Variants in WDCP observed in about 807,000 individuals in gnomAD.
WDCP encodes WD repeat and coiled coil containing, also known as WD repeat and coiled-coil-containing protein.
In WDCP, 19 loss-of-function variants were observed where a neutral mutation model predicts 41.6. The ratio of observed to expected loss-of-function variants is 0.46; its 90% CI spans 0.32 to 0.67. WDCP has a LOEUF of 0.67. Ranked by LOEUF, WDCP falls within the 30% of genes least tolerant of loss-of-function variation. WDCP has a pLI of 0.04. For missense variants in WDCP, 802 were observed against 850.7 expected (o/e 0.94, Z 0.71); for synonymous variants, 302 against 320.8 (o/e 0.94, Z 0.63).
At chr2:24,042,638 G>A (rs1470050734) in intron 1 of WDCP, among the ~76,000 whole-genome samples, 1 of 151,622 alleles carries the variant, frequency 6.6e-6, no homozygotes. Flanking sequence ...GAACCCGGGA[G>A]GTGGAGGTTG....
chr2:24,029,967 A>G lies in WDCP; in HGVS notation c.*966T>C, dbSNP rs1479911886. On this transcript the variant is annotated 3_prime_UTR_variant, in exon 4 of 4. Coordinates refer to ENST00000295148, the MANE Select transcript of WDCP (RefSeq NM_025203.3). ...ATGGCACTTTTTAGGACTACCTCAG[A>G]TTCGGTTGAATTTCTAACTTCCTGA... 3.3e-5 allele frequency: 5 copies of G among 152,582 alleles called. No individual in the cohort carries two copies. The highest frequency in any genetic ancestry group is 7.4e-5 in the Non-Finnish European group (5 of 68,022). The allele number at this position is 152,582 out of a possible 1,614,324, so 9.5% of individuals were successfully genotyped here.
rs1033162627 is a variant in WDCP, at chr2:24,030,669, T to G, written c.*264A>C. ...TCCATATGGCACCATAATATTGTTT[T>G]GTTCTGAGAATTCTGCCCTTAGTCA... On this transcript the variant is annotated 3_prime_UTR_variant, in exon 4 of 4. Coordinates refer to ENST00000295148, the MANE Select transcript of WDCP (RefSeq NM_025203.3). 3 of 400,434 alleles carry G rather than the reference T, an allele frequency of 7.5e-6. No homozygotes were observed. The highest frequency in any genetic ancestry group is 4.0e-5 in the African/African-American group (2 of 50,000). 24.8% of individuals were successfully genotyped at this position (400,434 alleles called of 1,614,324 possible).
Position 24,037,865 on chromosome 2 carries a change from G to A in WDCP, c.1630C>T (p.Gln544Ter). 1 of 1,614,104 alleles carries A rather than the reference G, an allele frequency of 6.2e-7. No homozygotes were observed. The highest frequency in any genetic ancestry group is 8.5e-7 in the Non-Finnish European group (1 of 1,180,020). ...TTTTCACTTTGTAAGTTCTTTCTTT[G>A]AGGCAAACGAGGAGGCTCCAGTGTG... ...TSTLEPPRLP[Q>*]RKNLQSEKET... is the part of the protein sequence containing the mutation. The change falls in exon 2 of 4, where the codon CAA becomes TAA. Residue 544 changes from glutamine (Q) to a stop codon, truncating the protein, a stop_gained. Coordinates refer to ENST00000295148, the MANE Select transcript of WDCP (RefSeq NM_025203.3). LOFTEE classifies it high-confidence loss of function.
Position 24,039,084 on chromosome 2 carries a change from G to T in WDCP, c.411C>A (p.Ser137=). Residue 137 remains serine, a synonymous_variant, in exon 2 of 4, where the codon TCC becomes TCA. Transcript: ENST00000295148. ...ILTVLTAQDV[S]IFPNVHSDDS... is the part of the protein sequence containing the mutation. ...CATCAGAGTGAACATTAGGGAAAAT[G>T]GAGACATCCTGAGCAGTCAACACAG... 6.2e-7 allele frequency: 1 copy of T among 1,614,206 alleles called. No individual in the cohort carries two copies. The highest frequency in any genetic ancestry group is 8.5e-7 in the Non-Finnish European group (1 of 1,180,044).
intron 1 of WDCP, among the ~76,000 whole-genome samples, chr2:24,043,033 C>CAAA (rs138929912): frequency 2.2e-5 from 3 of 135,064 alleles, no homozygotes; most frequent in Non-Finnish European, 3.1e-5. Context: ...AACTCCGTCT[C>CAAA]AAAAAAAAAA....
intron 2 of WDCP, among the ~76,000 whole-genome samples, chr2:24,036,058 C>T (rs931508514): frequency 2.7e-4 from 30 of 113,032 alleles, no homozygotes; most frequent in East Asian, 9.4e-4. Context: ...ACAGAGACTC[C>T]GTCTCAAAAA....
chr2:24,031,636 C>T (rs1347934184), intron 3 of WDCP, among the ~76,000 whole-genome samples: 1 of 152,062 alleles, frequency 6.6e-6, no homozygotes, highest in Non-Finnish European at 1.5e-5. Context: ...ACCATCCTGG[C>T]TAACATGGTG....
chr2:24,035,768 T>G (rs960101150), intron 2 of WDCP, among the ~76,000 whole-genome samples: 3 of 151,398 alleles, frequency 2.0e-5, no homozygotes, highest in African/African-American at 7.3e-5. Flanking sequence ...AAAAAAATTT[T>G]TTTTAATTAA....
At chr2:24,035,630 T>C (rs1346957175) in intron 2 of WDCP, among the ~76,000 whole-genome samples, 1 of 152,030 alleles carries the variant, frequency 6.6e-6, no homozygotes, top group African/African-American at 2.4e-5. Flanking sequence ...AAATCAAAAC[T>C]ATGGCTGGGT....
chr2:24,038,200 A>T lies in WDCP; in HGVS notation c.1295T>A (p.Met432Lys), dbSNP rs974619086. ...YAISLIVREI[M>K]LEEEPSITSG... The stretch of plus-strand genomic sequence containing the variant: ...TGTTATTGAAGGTTCTTCTTCCAAC[A>T]TTATTTCTCTAACAATCAAGCTAAT... Residue 432 changes from methionine to lysine, a missense_variant, in exon 2 of 4, where the codon ATG (methionine) becomes AAG (lysine). Around this residue, in one of 5 missense-constraint regions of WDCP, gnomAD observed 247 missense variants for 240.5 expected, o/e 1.03. Transcript: ENST00000295148. The T allele has an allele frequency of 6.2e-7, 1 of 1,614,108 alleles. No homozygotes were observed. Among genetic ancestry groups the T allele is most frequent in the African/African-American group, 1.3e-5 (1 of 74,938 alleles).
At chr2:24,031,229 C>T in intron 3 of WDCP, 67 bp from the exon 4 acceptor site, 1 of 1,241,196 alleles carries the variant, frequency 8.1e-7, no homozygotes. Flanking sequence ...CATATGACTA[C>T]AAATTTTTTT....
rs1462795852 is a variant in WDCP at position 24,037,988 on chromosome 2, G to A, written c.1507C>T (p.Leu503=). 1.2e-6 allele frequency: 2 copies of A among 1,614,216 alleles called. No homozygotes were observed. The highest frequency in any genetic ancestry group is 1.7e-6 in the Non-Finnish European group (2 of 1,180,028). The part of the protein sequence containing the change: ...RTLIKEIQSP[L]SSICDGSIAL... ...ATGGAGCCATCACAGATACTAGACAGAGGACTCTGGATTTCTTTAATAAGT... is the reference window on the plus strand; with the variant it reads ...ATGGAGCCATCACAGATACTAGACAAAGGACTCTGGATTTCTTTAATAAGT... Residue 503 remains leucine (L), a synonymous_variant, in exon 2 of 4, where the codon CTG becomes TTG. Transcript: ENST00000295148.
In WDCP at chr2:24,032,962, A is replaced by G. The variant is rs1199546751; in HGVS notation, c.1819-16T>C. The stretch of plus-strand genomic sequence containing the variant: ...AATAAGGTTTCTGCAAATAAAAAAT[A>G]AAAGTTGTTAAACTGATTGCAGAAG... On this transcript the variant is annotated splice_polypyrimidine_tract_variant and intron_variant, in intron 2 of 3. Transcript: ENST00000295148. The G allele has an allele frequency of 1.4e-6, 2 of 1,442,894 alleles. No homozygotes were observed. Among genetic ancestry groups the G allele is most frequent in the Non-Finnish European group, 9.8e-7 (1 of 1,025,494 alleles). The allele number at this position is 1,442,894 out of a possible 1,614,324, so 89.4% of individuals were successfully genotyped here. A position where few individuals can be genotyped will look rare whatever the true frequency, so the allele number is the denominator to read the frequency against.
In WDCP at chr2:24,037,747, T is replaced by C. The variant is rs777764829; in HGVS notation, c.1748A>G (p.His583Arg). 7.4e-6 allele frequency: 12 copies of C among 1,614,128 alleles called. No individual in the cohort carries two copies. The highest frequency in any genetic ancestry group is 1.1e-5 in the South Asian group (1 of 91,096). ...CACTGAAGAGGATTTCTTCCCATTA[T>C]GCAGACGGTTTGTAAGTTCAGAAAG... ...RCLSELTNRL[H>R]NGKKSSSVYP... The change falls in exon 2 of 4, where the codon CAT becomes CGT. Residue 583 changes from histidine to arginine, a missense_variant. By Grantham distance (29) the His-to-Arg change is conservative. Around this residue, in one of 5 missense-constraint regions of WDCP, gnomAD observed 321 missense variants for 305.1 expected, o/e 1.05. Coordinates refer to ENST00000295148, the MANE Select transcript of WDCP (RefSeq NM_025203.3).
At chr2:24,032,161 CAGG>C (rs1420328956) in intron 3 of WDCP, among the ~76,000 whole-genome samples, 6 of 152,136 alleles carry the variant, frequency 3.9e-5, no homozygotes, top group Non-Finnish European at 7.3e-5. Context: ...CACTTGAGGT[CAGG>C]AGTTCAAGAC....
Position 24,031,091 on chromosome 2 carries a change from T to C in WDCP, c.2008A>G (p.Ile670Val). 6.2e-7 allele frequency: 1 copy of C among 1,614,234 alleles called. No homozygotes were observed. Among genetic ancestry groups the C allele is most frequent in the Non-Finnish European group, 8.5e-7 (1 of 1,180,032 alleles). ...IPLTFTATQE[I>V]IIRDGSLSRS... The stretch of plus-strand genomic sequence containing the variant: ...GACAGGCTGCCATCTCTTATGATTA[T>C]TTCCTGTGTGGCTGTGAAGGTTAAC... Residue 670 changes from isoleucine to valine, a missense_variant, in exon 4 of 4, where the codon ATA (isoleucine) becomes GTA (valine). Ile to Val is a conservative substitution (Grantham distance 29). Coordinates refer to ENST00000295148, the MANE Select transcript of WDCP (RefSeq NM_025203.3).
chr2:24,029,921 T>A lies in WDCP; in HGVS notation c.*1012A>T, dbSNP rs1663058173. On this transcript the variant is annotated 3_prime_UTR_variant, in exon 4 of 4. Coordinates refer to ENST00000295148, the MANE Select transcript of WDCP (RefSeq NM_025203.3). ...GCTCTTACCTGACTAAGCTGGTACTTTAGCCCATAAGTGAAACAAAATGGC... is the reference window on the plus strand; with the variant it reads ...GCTCTTACCTGACTAAGCTGGTACTATAGCCCATAAGTGAAACAAAATGGC... 6.6e-6 allele frequency: 1 copy of A among 152,606 alleles called. No homozygotes were observed. The highest frequency in any genetic ancestry group is 2.4e-5 in the African/African-American group (1 of 41,446). 9.5% of individuals were successfully genotyped at this position (152,606 alleles called of 1,614,324 possible).
At chr2:24,040,336 G>A (rs1226325764) in intron 1 of WDCP, among the ~76,000 whole-genome samples, 1 of 152,074 alleles carries the variant, frequency 6.6e-6, no homozygotes, top group East Asian at 1.9e-4. Context: ...TAGTATTTAT[G>A]GTACTTTCAA....
At position 24,039,264 on chromosome 2, in the gene WDCP, G is replaced by A. The variant is rs137919483; in HGVS notation, c.231C>T (p.Leu77=). Residue 77 remains leucine, a synonymous_variant, in exon 2 of 4, where the codon CTC becomes CTT. Transcript: ENST00000295148. ...TGACATGCTTCTCATGCTGGACAGC[G>A]AGTAGAACAGGTGTATCATCTGCAA... ...PPVADDTPVL[L]AVQHEKHVTV... 53 of 1,614,216 alleles carry A rather than the reference G, an allele frequency of 3.3e-5. No homozygotes were observed. The East Asian group carries it at 6.5e-4, about 20-fold the overall frequency.
Sources: gnomAD v4.1 joint callset for allele counts (sites outside exome capture counted in the v4.1 genomes callset) on GRCh38, gnomAD v4.1.1 for gene constraint, gnomAD v4.1.1 regional missense constraint, MANE v1.5 for transcripts, NCBI Gene and HGNC (gene_info 2026-07-23, HGNC 2026-07-21) for gene names.